The following KAZN variants were observed in gnomAD, a reference collection of about 807,000 sequenced individuals.
KAZN encodes kazrin, periplakin interacting protein, also known as kazrin.
In KAZN, 40 loss-of-function variants were observed where a neutral mutation model predicts 87.4. That is an observed-to-expected ratio of 0.46 (90% CI 0.36 to 0.60). The LOEUF (loss-of-function observed/expected upper bound fraction) is 0.60, where lower values mean the gene tolerates loss of function less well. Among genes scored for constraint, KAZN ranks in the 20% least tolerant of loss-of-function variants. The pLI, the probability that KAZN is intolerant of heterozygous loss-of-function variation, is 0.00. For synonymous variants in KAZN, 466 were observed against 458.3 expected, an observed-to-expected ratio of 1.02 and a Z score of -0.22; for missense variants, 898 against 1,073.9, an observed-to-expected ratio of 0.84 and a Z score of 2.29.
At chr1:14,901,796 C>T (rs1655956383) in intron 1 of KAZN, among the ~76,000 whole-genome samples, 2 of 152,320 alleles carry the variant, frequency 1.3e-5, no homozygotes, top group African/African-American at 4.8e-5. Flanking sequence ...TCTGCCCCCA[C>T]AGCTGCCTCT....
At chr1:14,700,396 G>A (rs986697138) in intron 1 of KAZN, among the ~76,000 whole-genome samples, 8 of 151,932 alleles carry the variant, frequency 5.3e-5, no homozygotes, top group African/African-American at 1.9e-4. Flanking sequence ...GCTTGAACCC[G>A]GGAGGTGGAG....
rs199776092 is a variant in KAZN, at chr1:15,056,275, G to A, written c.911G>A (p.Arg304Gln). The A allele has an allele frequency of 1.6e-4, 261 of 1,603,230 alleles. No individual in the cohort carries two copies. The highest frequency in any genetic ancestry group is 3.0e-4 in the Admixed American group (18 of 59,762). ...TCACACCCCCCTCACCCTGCGGACCGGCAAGGTGAGTCCTGCCCTGGCCTG... is the reference window on the plus strand; with the variant it reads ...TCACACCCCCCTCACCCTGCGGACCAGCAAGGTGAGTCCTGCCCTGGCCTG... ...YHSHPPHPAD[R>Q]QAVRVSPCHS... The change falls in exon 5 of 15, where the codon CGG becomes CAG. Residue 304 changes from arginine to glutamine, a missense_variant. Physicochemically the swap from Arg to Gln is conservative, Grantham distance 43. Transcript: ENST00000376030. This position sits in a 1 kb window ranked among gnomAD's most constrained non-coding sequence, Gnocchi z 5.4.
intron 2 of KAZN, among the ~76,000 whole-genome samples, chr1:14,234,632 T>G (rs954404851): frequency 3.3e-5 from 5 of 152,108 alleles, no homozygotes; most frequent in African/African-American, 1.2e-4. Context: ...TGAAGATCTG[T>G]GCAAGGTGTG....
Position 15,044,057 on chromosome 1 carries a change from G to A in KAZN, c.624G>A (p.Leu208=). Residue 208 remains leucine (L), a synonymous_variant, in exon 4 of 15, where the codon CTG becomes CTA. Coordinates refer to ENST00000376030, the MANE Select transcript of KAZN (RefSeq NM_201628.3). The part of the protein sequence containing the change: ...KDLLEREKWE[L]RRQAKEATDH... Reference sequence around the variant, plus strand: ...TGCTGGAGCGTGAGAAGTGGGAGCTGCGGCGCCAAGCCAAGGAGGCCACAG... The same window carrying A: ...TGCTGGAGCGTGAGAAGTGGGAGCTACGGCGCCAAGCCAAGGAGGCCACAG... 6.2e-7 allele frequency: 1 copy of A among 1,612,764 alleles called. No individual in the cohort carries two copies. Among genetic ancestry groups the A allele is most frequent in the South Asian group, 1.1e-5 (1 of 90,984 alleles).
chr1:14,060,391 G>T (rs569161670), intron 1 of KAZN, among the ~76,000 whole-genome samples: 1 of 151,366 alleles, frequency 6.6e-6, no homozygotes, highest in East Asian at 1.9e-4. Context: ...AAAGAATGAG[G>T]GTTTCATGTT....
intron 1 of KAZN, chr1:14,924,017 C>A: frequency 1.5e-6 from 1 of 663,012 alleles, no homozygotes; most frequent in Non-Finnish European, 1.8e-6. Context: ...CGGCGCTCCC[C>A]GGGCACTGGG....
At chr1:13,902,103 G>A (rs1470496597) in intron 1 of KAZN, among the ~76,000 whole-genome samples, 2 of 152,238 alleles carry the variant, frequency 1.3e-5, no homozygotes, top group East Asian at 1.9e-4. Context: ...CTGGCTCTCT[G>A]CCCTTGATGG....
At chr1:15,074,393 G>A (rs1639645893) in intron 8 of KAZN, among the ~76,000 whole-genome samples, 2 of 152,190 alleles carry the variant, frequency 1.3e-5, no homozygotes, top group South Asian at 4.1e-4. Context: ...AGCTCCTCCA[G>A]GGGTCTCTGG....
intron 1 of KAZN, among the ~76,000 whole-genome samples, chr1:14,602,002 T>G (rs1677018212): frequency 1.3e-5 from 2 of 152,210 alleles, no homozygotes; most frequent in Non-Finnish European, 2.9e-5. Flanking sequence ...AATGTTTTTG[T>G]TTTTGTTTTT....
chr1:14,985,935 G>A (rs753227785), intron 2 of KAZN, among the ~76,000 whole-genome samples: 9 of 148,730 alleles, frequency 6.1e-5, no homozygotes, highest in African/African-American at 1.2e-4. Flanking sequence ...CCCAGGAGGC[G>A]GAGGCTGCAG....
chr1:14,386,072 C>A (rs200197828), intron 2 of KAZN, among the ~76,000 whole-genome samples: 34,320 of 150,506 alleles, frequency 0.23, 4,130 homozygotes, highest in Non-Finnish European at 0.25. Flanking sequence ...ATGTAATGGC[C>A]TTCTTTGTCT....
intron 2 of KAZN, among the ~76,000 whole-genome samples, chr1:14,559,225 A>G (rs920269234): frequency 3.3e-5 from 5 of 152,162 alleles, no homozygotes; most frequent in Non-Finnish European, 7.4e-5. Flanking sequence ...TGGCTCTTCT[A>G]GTGCTGGAAG....
intron 1 of KAZN, among the ~76,000 whole-genome samples, chr1:14,824,378 G>T (rs572697822): frequency 1.3e-5 from 2 of 152,282 alleles, no homozygotes; most frequent in East Asian, 3.9e-4. Context: ...CAATAAAAGT[G>T]CATTGACTAC....
At chr1:15,040,389 G>A (rs1180663130) in intron 3 of KAZN, among the ~76,000 whole-genome samples, 4 of 152,194 alleles carry the variant, frequency 2.6e-5, no homozygotes, top group Non-Finnish European at 5.9e-5. Context: ...CAGCAGGAAG[G>A]ACCCCAGGCC....
At chr1:14,275,200 G>A (rs573239660) in intron 2 of KAZN, among the ~76,000 whole-genome samples, 5 of 152,226 alleles carry the variant, frequency 3.3e-5, no homozygotes, top group South Asian at 2.1e-4. Flanking sequence ...CCAGGGAAGC[G>A]ACTATCCAGT....
At chr1:14,700,071 G>C (rs1449174936) in intron 1 of KAZN, among the ~76,000 whole-genome samples, 3 of 152,134 alleles carry the variant, frequency 2.0e-5, no homozygotes, top group South Asian at 2.1e-4. Flanking sequence ...GGGCAGAAAG[G>C]GTTATGCTGA....
chr1:14,790,895 C>A (rs1645654366), intron 1 of KAZN, among the ~76,000 whole-genome samples: 1 of 152,134 alleles, frequency 6.6e-6, no homozygotes, highest in South Asian at 2.1e-4. Flanking sequence ...TTTCACCATG[C>A]TGCCCAGGCT....
chr1:13,936,446 G>A (rs1640748969), intron 1 of KAZN, among the ~76,000 whole-genome samples: 1 of 152,102 alleles, frequency 6.6e-6, no homozygotes, highest in South Asian at 2.1e-4. Context: ...TAGTGGTAAA[G>A]TCTGAGATTT....
intron 1 of KAZN, among the ~76,000 whole-genome samples, chr1:13,995,829 T>C (rs12743327): frequency 0.15 from 22,111 of 152,216 alleles, 1,718 homozygotes; most frequent in Middle Eastern, 0.22. Flanking sequence ...TGTGATCATG[T>C]CTCAAGCATT....
Sources: allele counts gnomAD v4.1 joint callset (sites outside exome capture counted in the v4.1 genomes callset), GRCh38; gene constraint gnomAD v4.1.1; non-coding constraint Gnocchi (gnomAD v3.1); transcripts MANE v1.5; gene names NCBI Gene and HGNC (gene_info 2026-07-23, HGNC 2026-07-21).